Variants in DIS3L2 observed in about 807,000 individuals in gnomAD.
DIS3L2 encodes the protein DIS3-like exonuclease 2.
A neutral mutation model predicts 97.5 loss-of-function variants in DIS3L2; 34 were observed. The observed-to-expected ratio is 0.35, with a 90% CI of 0.27 to 0.46. The LOEUF is 0.46. Among genes scored for constraint, DIS3L2 ranks in the 20% least tolerant of loss-of-function variants. DIS3L2 has a pLI of 1.00. For missense variants in DIS3L2, 1,038 were observed against 1,146.0 expected (o/e 0.91, Z 1.36); for synonymous variants, 435 against 445.2 (o/e 0.98, Z 0.29).
chr2:232,202,948 C>T (rs1691937010), intron 9 of DIS3L2, among the ~76,000 whole-genome samples: 1 of 152,236 alleles, frequency 6.6e-6, no homozygotes. Context: ...ATGATCCCAG[C>T]TCTGTGAAAT....
At chr2:232,101,986 G>A (rs973378025) in intron 6 of DIS3L2, among the ~76,000 whole-genome samples, 74 of 152,306 alleles carry the variant, frequency 4.9e-4, no homozygotes, top group Admixed American at 2.6e-3. Flanking sequence ...AATTACACTG[G>A]GCAGAATGTC....
chr2:232,000,726 T>TTC (rs1491284319), intron 1 of DIS3L2, among the ~76,000 whole-genome samples: 11 of 96,160 alleles, frequency 1.1e-4, no homozygotes, highest in Non-Finnish European at 2.0e-4. Context: ...CTTCTTCTTC[T>TTC]TTTTTTTTTT....
At chr2:232,077,770 G>T (rs552214965) in intron 5 of DIS3L2, among the ~76,000 whole-genome samples, 1 of 152,228 alleles carries the variant, frequency 6.6e-6, no homozygotes, top group Admixed American at 6.5e-5. Context: ...GAAACCAGAA[G>T]AATTTAAAAA....
chr2:232,102,227 G>C (rs1213074334), intron 6 of DIS3L2, among the ~76,000 whole-genome samples: 1 of 152,218 alleles, frequency 6.6e-6, no homozygotes, highest in East Asian at 1.9e-4. Context: ...GACACCAAGG[G>C]AGAAATAATA....
chr2:232,225,881 G>A lies in DIS3L2; in HGVS notation c.1205-12652G>A, dbSNP rs191672005. On this transcript the variant is annotated intron_variant, in intron 10 of 20. Coordinates refer to ENST00000325385, the MANE Select transcript of DIS3L2 (RefSeq NM_152383.5). ...GAAACAAAGTACACGATACAACAGG[G>A]GTGAACCTTGAAAATAAACTAGGTG... 4.9e-4 allele frequency among the ~76,000 whole-genome samples: 75 copies of A among 152,148 alleles called. 1 individual carries two copies. The East Asian group carries it at 0.014, about 28-fold the overall frequency.
intron 13 of DIS3L2, among the ~76,000 whole-genome samples, chr2:232,298,224 A>C (rs1694767672): frequency 6.6e-6 from 1 of 152,170 alleles, no homozygotes; most frequent in Non-Finnish European, 1.5e-5. Flanking sequence ...CCAATAAATA[A>C]CACTGGGGGG....
chr2:232,163,104 G>C (rs1229499102), intron 8 of DIS3L2, among the ~76,000 whole-genome samples: 1 of 152,072 alleles, frequency 6.6e-6, no homozygotes, highest in African/African-American at 2.4e-5. Flanking sequence ...TTAACGTACA[G>C]GCACTCTGAA....
At chr2:232,253,117 G>A (rs150426714) in intron 12 of DIS3L2, among the ~76,000 whole-genome samples, 104 of 152,258 alleles carry the variant, frequency 6.8e-4, no homozygotes, top group African/African-American at 2.3e-3. Context: ...GACCACCAGC[G>A]TACCTCTACA....
intron 13 of DIS3L2, among the ~76,000 whole-genome samples, chr2:232,272,360 A>C (rs1181917933): frequency 6.6e-6 from 1 of 152,216 alleles, no homozygotes; most frequent in Non-Finnish European, 1.5e-5. Context: ...TATGTACTTT[A>C]AAAAACACCA....
At chr2:232,214,504 G>A (rs1692280274) in intron 10 of DIS3L2, among the ~76,000 whole-genome samples, 1 of 152,084 alleles carries the variant, frequency 6.6e-6, no homozygotes. Context: ...GTTATCATGT[G>A]TCTTCTGAGT....
chr2:232,329,785 T>TCCCGGGGGGGGGGGCCC, intron 14 of DIS3L2, 28 bp from the exon 15 acceptor site: 4 of 967,136 alleles, frequency 4.1e-6, no homozygotes, highest in Non-Finnish European at 5.8e-6. Context: ...ACCCCAGCGG[T>TCCCGGGGGGGGGGGCCC]CCCTCCCATC....
intron 8 of DIS3L2, among the ~76,000 whole-genome samples, chr2:232,156,305 GT>G (rs1270683791): frequency 2.6e-5 from 4 of 152,024 alleles, no homozygotes; most frequent in African/African-American, 9.7e-5. Context: ...CCTAGTTTTT[GT>G]TTCCTTTCAT....
intron 14 of DIS3L2, among the ~76,000 whole-genome samples, chr2:232,323,926 C>T (rs897708838): frequency 6.6e-6 from 1 of 152,118 alleles, no homozygotes; most frequent in African/African-American, 2.4e-5. Context: ...CTCCCAGGCA[C>T]CCAGCCCCAC....
intron 5 of DIS3L2, among the ~76,000 whole-genome samples, chr2:232,046,511 T>C (rs1157366983): frequency 6.6e-6 from 1 of 152,336 alleles, no homozygotes; most frequent in East Asian, 1.9e-4. Context: ...GAGGAACATA[T>C]ATATGACATT....
intron 5 of DIS3L2, among the ~76,000 whole-genome samples, chr2:232,061,466 A>G (rs929082496): frequency 3.3e-5 from 5 of 152,230 alleles, no homozygotes; most frequent in Admixed American, 6.5e-5. Flanking sequence ...AAGATCAACC[A>G]CAATGAAGAT....
At chr2:231,974,060 A>G (rs1208390362) in intron 1 of DIS3L2, among the ~76,000 whole-genome samples, 2 of 152,154 alleles carry the variant, frequency 1.3e-5, no homozygotes, top group African/African-American at 2.4e-5. Flanking sequence ...ATATATATAT[A>G]CTTTAACCTT....
rs1021799289 is a variant in DIS3L2, at chr2:232,037,788, G to A, written c.366+7708G>A. On this transcript the variant is annotated intron_variant, in intron 5 of 20. Coordinates refer to ENST00000325385, the MANE Select transcript of DIS3L2 (RefSeq NM_152383.5). The surrounding 1 kb of genome is among the most constrained non-coding windows in gnomAD (Gnocchi z 4.6). ...TCATGGCTTCCCTTGGCTAGGGGTG[G>A]GAGTTCCCTGACTCCTTGCACTTCC... Among the ~76,000 whole-genome samples, 1 of 152,162 alleles carries A rather than the reference G, an allele frequency of 6.6e-6. No homozygotes were observed. The highest frequency in any genetic ancestry group is 2.4e-5 in the African/African-American group (1 of 41,432).
At chr2:232,221,482 C>A (rs886659630) in intron 10 of DIS3L2, among the ~76,000 whole-genome samples, 1 of 152,088 alleles carries the variant, frequency 6.6e-6, no homozygotes, top group African/African-American at 2.4e-5. Context: ...AGAGGGGAAC[C>A]CTGATCACTC....
chr2:231,993,988 T>C (rs1291876921), intron 1 of DIS3L2, among the ~76,000 whole-genome samples: 1 of 152,064 alleles, frequency 6.6e-6, no homozygotes, highest in African/African-American at 2.4e-5. Context: ...TGTTCTCCTC[T>C]AAGAGTTTTA....
Sources: allele counts gnomAD v4.1 joint callset (sites outside exome capture counted in the v4.1 genomes callset), GRCh38; gene constraint gnomAD v4.1.1; non-coding constraint Gnocchi (gnomAD v3.1); transcripts MANE v1.5; gene names NCBI Gene and HGNC (gene_info 2026-07-23, HGNC 2026-07-21).